CTNNA2: variants seen among roughly 807,000 people sequenced by gnomAD.
CTNNA2 encodes the protein catenin alpha-2.
Under a neutral mutation model 101.0 loss-of-function variants are expected in CTNNA2, and 42 were observed. That is an observed-to-expected ratio of 0.42 (90% CI 0.32 to 0.54). CTNNA2 has a LOEUF of 0.54. Among genes scored for constraint, CTNNA2 ranks in the 20% least tolerant of loss-of-function variants. CTNNA2 has a pLI of 0.14. For missense variants in CTNNA2, 871 were observed against 1,223.1 expected (o/e 0.71, Z 4.29); for synonymous variants, 450 against 456.4 (o/e 0.99, Z 0.18).
At chr2:79,958,791 A>C (rs747920) in intron 7 of CTNNA2, among the ~76,000 whole-genome samples, 64,866 of 151,170 alleles carry the variant, frequency 0.43, 14,019 homozygotes, top group East Asian at 0.62. Context: ...TTTTCTTTTC[A>C]TAAGATTGGC....
intron 7 of CTNNA2, among the ~76,000 whole-genome samples, chr2:80,363,000 G>C (rs1201017677): frequency 1.1e-5 from 1 of 94,020 alleles, no homozygotes; most frequent in East Asian, 3.2e-4. Context: ...GCAAGACATC[G>C]TCTCAAAAAA....
chr2:79,508,004 T>A (rs41503545), intron 5 of CTNNA2, among the ~76,000 whole-genome samples: 3,204 of 152,302 alleles, frequency 0.021, 119 homozygotes, highest in African/African-American at 0.074. Flanking sequence ...GTTTGTGCAG[T>A]ATACTTACTT....
chr2:79,909,443 T>G, intron 6 of CTNNA2, 151 bp from the exon 7 acceptor site: 1 of 573,652 alleles, frequency 1.7e-6, no homozygotes, highest in Admixed American at 3.7e-5. Context: ...AAGTTAATAC[T>G]TTGTCAAGGC....
At chr2:80,359,882 A>G (rs975009439) in intron 7 of CTNNA2, among the ~76,000 whole-genome samples, 4 of 152,146 alleles carry the variant, frequency 2.6e-5, no homozygotes, top group South Asian at 2.1e-4. Flanking sequence ...TTATATTTCC[A>G]TATCAATTTA....
At chr2:79,330,248 C>A (rs912364187) in intron 3 of CTNNA2, among the ~76,000 whole-genome samples, 29 of 152,086 alleles carry the variant, frequency 1.9e-4, no homozygotes, top group African/African-American at 6.8e-4. Context: ...ATTTAAAATG[C>A]AGAGGGGAGA....
At chr2:79,429,427 A>G (rs1302863262) in intron 4 of CTNNA2, among the ~76,000 whole-genome samples, 4 of 152,196 alleles carry the variant, frequency 2.6e-5, no homozygotes, top group Admixed American at 6.5e-5. Context: ...CAGTCAGCTC[A>G]GTGCTGATAT....
intron 9 of CTNNA2, among the ~76,000 whole-genome samples, chr2:80,449,607 A>G (rs1351087381): frequency 5.9e-5 from 9 of 152,202 alleles, no homozygotes; most frequent in African/African-American, 2.2e-4. Context: ...TTTTAAGCCA[A>G]CTTAGTACCT....
At chr2:79,432,602 T>C (rs1050584181) in intron 4 of CTNNA2, among the ~76,000 whole-genome samples, 4 of 152,190 alleles carry the variant, frequency 2.6e-5, no homozygotes, top group Non-Finnish European at 5.9e-5. Flanking sequence ...TTGGAAGTGC[T>C]GATCAGTGAG....
At chr2:79,236,116 G>T (rs1298474204) in intron 2 of CTNNA2, among the ~76,000 whole-genome samples, 1 of 152,126 alleles carries the variant, frequency 6.6e-6, no homozygotes, top group Non-Finnish European at 1.5e-5. Flanking sequence ...ATACTGGAGT[G>T]GAATCACTAC....
At chr2:80,120,342 G>A (rs2148876779) in intron 7 of CTNNA2, among the ~76,000 whole-genome samples, 2 of 152,238 alleles carry the variant, frequency 1.3e-5, no homozygotes, top group East Asian at 3.9e-4. Flanking sequence ...CTGAAGAGTG[G>A]TATTTGGATT....
chr2:80,310,460 T>C (rs540053217), intron 7 of CTNNA2, among the ~76,000 whole-genome samples: 128 of 152,284 alleles, frequency 8.4e-4, no homozygotes, highest in African/African-American at 2.8e-3. Flanking sequence ...TTGATTGCAG[T>C]CTTCCAAGGC....
chr2:80,264,889 G>A (rs1672886996), intron 7 of CTNNA2, among the ~76,000 whole-genome samples: 1 of 151,922 alleles, frequency 6.6e-6, no homozygotes, highest in South Asian at 2.1e-4. Context: ...GACCAGATTA[G>A]AGATTAGGAA....
At chr2:80,133,312 G>T (rs1246052980) in intron 7 of CTNNA2, among the ~76,000 whole-genome samples, 2 of 152,138 alleles carry the variant, frequency 1.3e-5, no homozygotes, top group African/African-American at 4.8e-5. Context: ...CTTGGTTTCA[G>T]ATTTCTAGTC....
chr2:80,374,170 A>G (rs1021928028), intron 7 of CTNNA2, among the ~76,000 whole-genome samples: 1 of 152,138 alleles, frequency 6.6e-6, no homozygotes, highest in Non-Finnish European at 1.5e-5. Flanking sequence ...CCCATCATCC[A>G]GGTAGTAAAC....
At chr2:79,333,528 G>T (rs1461411062) in intron 3 of CTNNA2, among the ~76,000 whole-genome samples, 2 of 152,062 alleles carry the variant, frequency 1.3e-5, no homozygotes, top group African/African-American at 4.8e-5. Flanking sequence ...AAGCTTTGAA[G>T]GACACAGTTT....
intron 9 of CTNNA2, among the ~76,000 whole-genome samples, chr2:80,516,040 A>G (rs1382598750): frequency 4.6e-5 from 7 of 152,168 alleles, no homozygotes; most frequent in African/African-American, 1.7e-4. Context: ...TCAAGTGTAT[A>G]GATGACCTCC....
At chr2:79,286,397 G>A (rs59402254) in intron 2 of CTNNA2, among the ~76,000 whole-genome samples, 10,391 of 152,138 alleles carry the variant, frequency 0.068, 1,220 homozygotes, top group African/African-American at 0.24. Flanking sequence ...GGTACCAGTT[G>A]TTCCTTTCCA....
intron 3 of CTNNA2, among the ~76,000 whole-genome samples, chr2:79,759,345 AT>A (rs1672620577): frequency 6.6e-6 from 1 of 152,140 alleles, no homozygotes. Context: ...GTGAACCAAG[AT>A]CGTGCCACTG....
intron 7 of CTNNA2, among the ~76,000 whole-genome samples, chr2:80,341,059 A>G (rs1374999785): frequency 6.6e-6 from 1 of 152,200 alleles, no homozygotes; most frequent in Non-Finnish European, 1.5e-5. Flanking sequence ...TCCTGAATAC[A>G]GGATCTTCTG....
Sources: allele counts gnomAD v4.1 joint callset (sites outside exome capture counted in the v4.1 genomes callset), GRCh38; gene constraint gnomAD v4.1.1; transcripts MANE v1.5; gene names NCBI Gene and HGNC (gene_info 2026-07-23, HGNC 2026-07-21).